The following ZDBF2 variants were observed in gnomAD, a reference collection of about 807,000 sequenced individuals.
ZDBF2 encodes the protein DBF4-type zinc finger-containing protein 2.
A neutral mutation model predicts 9.4 loss-of-function variants in ZDBF2; 6 were observed. That is an observed-to-expected ratio of 0.64 (90% CI 0.35 to 1.27). ZDBF2 has a LOEUF of 1.27. Ranked by LOEUF, ZDBF2 falls within the 50% of genes most tolerant of loss-of-function variation. The pLI is 0.03. For synonymous variants in ZDBF2, 905 were observed against 946.3 expected (o/e 0.96, Z 0.80); for missense variants, 2,697 against 2,766.8 (o/e 0.97, Z 0.57).
At chr2:206,288,167 G>A (rs1317382106) in intron 3 of ZDBF2, among the ~76,000 whole-genome samples, 1 of 152,126 alleles carries the variant, frequency 6.6e-6, no homozygotes, top group East Asian at 1.9e-4. Flanking sequence ...GCATCTGGTG[G>A]AACAGTTACT....
chr2:206,283,439 A>G (rs895872557), intron 3 of ZDBF2, among the ~76,000 whole-genome samples: 4 of 151,550 alleles, frequency 2.6e-5, no homozygotes, highest in African/African-American at 7.3e-5. Context: ...GTGAGATGGT[A>G]TCTCATTTTG....
At chr2:206,275,202 G>A (rs561950147) in intron 1 of ZDBF2, among the ~76,000 whole-genome samples, 18 of 152,150 alleles carry the variant, frequency 1.2e-4, no homozygotes, top group Non-Finnish European at 1.9e-4. Context: ...GCTGCATTGC[G>A]CTTCTGTCCG....
chr2:206,304,741 G>A lies in ZDBF2; in HGVS notation c.213G>A (p.Val71=), dbSNP rs1176320243. ...GTTCAACACAAGATGAGACACATGT[G>A]AATACTGGGTCATCGTCTGAAGTGG... is the stretch of plus-strand genomic sequence containing the variant. ...ESSSTQDETH[V]NTGSSSEVVH... The change falls in exon 5 of 5, where the codon GTG becomes GTA. Residue 71 remains valine (V), a synonymous_variant. Transcript: ENST00000374423. 6 of 1,612,190 alleles carry A rather than the reference G, an allele frequency of 3.7e-6. No individual in the cohort carries two copies. The highest frequency in any genetic ancestry group is 5.1e-6 in the Non-Finnish European group (6 of 1,179,142).
Position 206,311,894 on chromosome 2 carries a change from A to G in ZDBF2, c.*301A>G, listed in dbSNP as rs1693212051. ...TTGTTCCTCAAATCATATCCCTCTT[A>G]TTTTTTATGATTATCTCTCTCATGC... On this transcript the variant is annotated 3_prime_UTR_variant, in exon 5 of 5. Coordinates refer to ENST00000374423, the MANE Select transcript of ZDBF2 (RefSeq NM_020923.3). The G allele has an allele frequency of 1.6e-5, 3 of 181,898 alleles. No homozygotes were observed. Among genetic ancestry groups the G allele is most frequent in the Non-Finnish European group, 3.4e-5 (3 of 88,580 alleles). The allele number at this position is 181,898 out of a possible 1,614,324, so 11.3% of individuals were successfully genotyped here.
At position 206,303,568 on chromosome 2, in the gene ZDBF2, T is replaced by C. The variant is rs375114270; in HGVS notation, c.189-1149T>C. Among the ~76,000 whole-genome samples the C allele has an allele frequency of 1.2e-3, 186 of 152,248 alleles. 13 individuals carry two copies. The South Asian group carries it at 0.037, about 31-fold the overall frequency. ...TGGTAGAAGAGATTCATAGACTGATTTTAGATATGAAAGTTTTGGGTCTTT... is the reference window on the plus strand; with the variant it reads ...TGGTAGAAGAGATTCATAGACTGATCTTAGATATGAAAGTTTTGGGTCTTT... On this transcript the variant is annotated intron_variant, in intron 4 of 4. Coordinates refer to ENST00000374423, the MANE Select transcript of ZDBF2 (RefSeq NM_020923.3).
At chr2:206,275,374 C>CA (rs1690936373) in intron 1 of ZDBF2, among the ~76,000 whole-genome samples, 1 of 152,212 alleles carries the variant, frequency 6.6e-6, no homozygotes, top group East Asian at 1.9e-4. Flanking sequence ...CCCCTTCCCC[C>CA]AGTGCCCTGC....
intron 2 of ZDBF2, among the ~76,000 whole-genome samples, chr2:206,281,206 A>C (rs1691300027): frequency 6.6e-6 from 1 of 152,194 alleles, no homozygotes; most frequent in Non-Finnish European, 1.5e-5. Flanking sequence ...AATAGGAAAA[A>C]AATCCCTCCT....
At chr2:206,284,839 C>T (rs529425153) in intron 3 of ZDBF2, among the ~76,000 whole-genome samples, 1 of 152,286 alleles carries the variant, frequency 6.6e-6, no homozygotes, top group Non-Finnish European at 1.5e-5. Flanking sequence ...AGCAATTCTC[C>T]TGCCTCAGCT....
At position 206,306,061 on chromosome 2, in the gene ZDBF2, A is replaced by G; in HGVS notation, c.1533A>G (p.Gln511=). 1 of 1,613,720 alleles carries G rather than the reference A, an allele frequency of 6.2e-7. No individual in the cohort carries two copies. The highest frequency in any genetic ancestry group is 8.5e-7 in the Non-Finnish European group (1 of 1,179,800). Residue 511 remains glutamine, a synonymous_variant, in exon 5 of 5, where the codon CAA becomes CAG. Transcript: ENST00000374423. ...AGTCCACTAGTGACTACCCCCAACA[A>G]TCTGTAACAGAAGTAAACCTTCCTA... ...SPQSTSDYPQ[Q]SVTEVNLPKE... is the part of the protein sequence containing the mutation.
rs777069547 is a variant in ZDBF2 at position 206,307,404 on chromosome 2, A to G, written c.2876A>G (p.Asp959Gly). The G allele has an allele frequency of 6.2e-7, 1 of 1,612,956 alleles. No individual in the cohort carries two copies. The highest frequency in any genetic ancestry group is 8.5e-7 in the Non-Finnish European group (1 of 1,179,614). ...ENKSVFETSLDSDVPLQAATH... is the reference protein window; with the variant it reads ...ENKSVFETSLGSDVPLQAATH... ...AAGAGTGTTTTTGAAACAAGTTTGGATTCTGATGTCCCTCTTCAGGCAGCG... is the reference window on the plus strand; with the variant it reads ...AAGAGTGTTTTTGAAACAAGTTTGGGTTCTGATGTCCCTCTTCAGGCAGCG... Residue 959 changes from aspartate to glycine, a missense_variant, in exon 5 of 5, where the codon GAT (aspartate) becomes GGT (glycine). By Grantham distance (94) the Asp-to-Gly change is moderately conservative. Transcript: ENST00000374423.
chr2:206,276,923 T>C lies in ZDBF2; in HGVS notation c.-103+1977T>C, dbSNP rs79932519. 8.5e-3 allele frequency among the ~76,000 whole-genome samples: 1,287 copies of C among 152,120 alleles called. 17 individuals carry two copies. Among genetic ancestry groups the C allele is most frequent in the African/African-American group, 0.028 (1,164 of 41,502 alleles). On this transcript the variant is annotated intron_variant, in intron 1 of 4. Coordinates refer to ENST00000374423, the MANE Select transcript of ZDBF2 (RefSeq NM_020923.3). ...GTGGATAATCCAGAAAAGGGGAAAA[T>C]TGAAAATTAGTAGTGTTGTGTGGAG... is the stretch of plus-strand genomic sequence containing the variant.
At chr2:206,288,700 G>A (rs1212645254) in intron 3 of ZDBF2, among the ~76,000 whole-genome samples, 2 of 152,082 alleles carry the variant, frequency 1.3e-5, no homozygotes, top group Admixed American at 1.3e-4. Flanking sequence ...TAACTTTTAG[G>A]CACCCCCTAG....
intron 4 of ZDBF2, among the ~76,000 whole-genome samples, chr2:206,301,348 A>T (rs1359287592): frequency 6.6e-6 from 1 of 152,080 alleles, no homozygotes. Context: ...ATTTAATCAG[A>T]TGTAAGGAGA....
rs745522594 is a variant in ZDBF2, at chr2:206,309,759, A to G, written c.5231A>G (p.Asp1744Gly). 14 of 1,613,904 alleles carry G rather than the reference A, an allele frequency of 8.7e-6. No individual in the cohort carries two copies. Among genetic ancestry groups the G allele is most frequent in the Non-Finnish European group, 1.2e-5 (14 of 1,179,870 alleles). The change falls in exon 5 of 5, where the codon GAT becomes GGT. Residue 1744 changes from aspartate to glycine, a missense_variant. Transcript: ENST00000374423. ...GATCTAGAAGTGAGCTGTGAACCGG[A>G]TGGTTTTGAGATGAATTTTCAGTGT... ...HRDLEVSCEP[D>G]GFEMNFQCAP...
At chr2:206,289,689 T>C (rs1691786610) in intron 3 of ZDBF2, among the ~76,000 whole-genome samples, 1 of 152,168 alleles carries the variant, frequency 6.6e-6, no homozygotes, top group Admixed American at 6.5e-5. Flanking sequence ...CAGGGCACAG[T>C]ATTGGCTTCT....
chr2:206,291,592 C>A (rs1574394328), intron 3 of ZDBF2, among the ~76,000 whole-genome samples: 1 of 152,170 alleles, frequency 6.6e-6, no homozygotes, highest in East Asian at 1.9e-4. Context: ...CTCCTAAAAG[C>A]CCTGTCTCCA....
At position 206,306,891 on chromosome 2, in the gene ZDBF2, C is replaced by G; in HGVS notation, c.2363C>G (p.Ser788Cys). 1 of 1,613,760 alleles carries G rather than the reference C, an allele frequency of 6.2e-7. No individual in the cohort carries two copies. The highest frequency in any genetic ancestry group is 8.5e-7 in the Non-Finnish European group (1 of 1,179,800). Residue 788 changes from serine (S) to cysteine (C), a missense_variant, in exon 5 of 5, where the codon TCT becomes TGT. Coordinates refer to ENST00000374423, the MANE Select transcript of ZDBF2 (RefSeq NM_020923.3). ...LEDESCESDS[S>C]EITFDSDIPL... ...GATGAGAGCTGTGAGTCAGATAGTT[C>G]TGAAATAACTTTTGATTCTGATATT...
chr2:206,284,204 T>A (rs1691482465), intron 3 of ZDBF2, among the ~76,000 whole-genome samples: 1 of 152,138 alleles, frequency 6.6e-6, no homozygotes, highest in Non-Finnish European at 1.5e-5. Flanking sequence ...AAATTAAATC[T>A]GTTTCATAGA....
intron 1 of ZDBF2, among the ~76,000 whole-genome samples, chr2:206,275,237 G>A (rs932427717): frequency 5.3e-5 from 8 of 152,108 alleles, no homozygotes; most frequent in African/African-American, 1.4e-4. Flanking sequence ...AGGGGCCGGC[G>A]GACGAGGCCT....
Sources: gnomAD v4.1 joint callset for allele counts (sites outside exome capture counted in the v4.1 genomes callset) on GRCh38, gnomAD v4.1.1 for gene constraint, MANE v1.5 for transcripts, NCBI Gene and HGNC (gene_info 2026-07-23, HGNC 2026-07-21) for gene names.